Variants in ADCY7 observed in about 807,000 individuals in gnomAD.
The protein encoded by ADCY7 is adenylate cyclase type 7.
Under a neutral mutation model 120.6 loss-of-function variants are expected in ADCY7, and 72 were observed. That is an observed-to-expected ratio of 0.60 (90% CI 0.49 to 0.73). ADCY7 has a LOEUF of 0.73. Among genes scored for constraint, ADCY7 ranks in the 30% least tolerant of loss-of-function variants. The pLI is 0.00. For missense variants in ADCY7, 1,227 were observed against 1,486.0 expected (o/e 0.83, Z 2.87); for synonymous variants, 661 against 628.0 (o/e 1.05, Z -0.78).
At chr16:50,267,298 C>T (rs916727207) in intron 1 of ADCY7, among the ~76,000 whole-genome samples, 4 of 152,226 alleles carry the variant, frequency 2.6e-5, no homozygotes, top group African/African-American at 9.6e-5. Context: ...ATGCATTCAT[C>T]TAAACATGTA....
rs138935368 is a variant in ADCY7, at chr16:50,269,787, G to A, written c.-269+3107G>A. On this transcript the variant is annotated intron_variant, in intron 1 of 25. Coordinates refer to ENST00000673801, the MANE Select transcript of ADCY7 (RefSeq NM_001114.5). Reference sequence around the variant, plus strand: ...GCAGCGCTTAACTCCGCTGGAGAAAGTTCCAGGCCTTTGAGGGAGCATGCA... The same window carrying A: ...GCAGCGCTTAACTCCGCTGGAGAAAATTCCAGGCCTTTGAGGGAGCATGCA... Among the ~76,000 whole-genome samples, 343 of 152,326 alleles carry A rather than the reference G, an allele frequency of 2.3e-3. 3 individuals carry two copies. Among genetic ancestry groups the A allele is most frequent in the African/African-American group, 7.6e-3 (318 of 41,572 alleles).
chr16:50,314,241 G>A (rs1364736591), intron 23 of ADCY7, 51 bp from the exon 24 acceptor site: 2 of 1,556,548 alleles, frequency 1.3e-6, no homozygotes, highest in Admixed American at 1.7e-5. Flanking sequence ...GGGCCCACTA[G>A]GTCTGGGGGC....
chr16:50,257,748 T>G (rs2032955240), intron 1 of ADCY7, among the ~76,000 whole-genome samples: 1 of 150,382 alleles, frequency 6.6e-6, no homozygotes, highest in South Asian at 2.1e-4. Flanking sequence ...TAGATTTATC[T>G]TTTTTTTTCT....
chr16:50,266,171 G>A (rs558245770), upstream of ADCY7, among the ~76,000 whole-genome samples: 273 of 152,298 alleles, frequency 1.8e-3, 1 homozygote, highest in African/African-American at 5.9e-3. Flanking sequence ...CCAGGAAGGC[G>A]CGGGGGGCCT....
intron 1 of ADCY7, among the ~76,000 whole-genome samples, chr16:50,276,676 G>A (rs370950738): frequency 6.6e-6 from 1 of 152,166 alleles, no homozygotes; most frequent in African/African-American, 2.4e-5. Flanking sequence ...ACTTGCTGCA[G>A]CCTTAACCTG....
In ADCY7 at chr16:50,299,953, C is replaced by T. The variant is rs140001144; in HGVS notation, c.1077-762C>T. Among the ~76,000 whole-genome samples the T allele has an allele frequency of 9.7e-4, 148 of 152,316 alleles. 1 individual carries two copies. The East Asian group carries it at 0.013, about 13-fold the overall frequency. On this transcript the variant is annotated intron_variant, in intron 8 of 25. Coordinates refer to ENST00000673801, the MANE Select transcript of ADCY7 (RefSeq NM_001114.5). ...CTCCTGTGCTCAGTGGTGCTAACAA[C>T]TCCCAGGGCCCCTGCTTCCCAGGGA...
chr16:50,269,268 C>A (rs905692286), intron 1 of ADCY7, among the ~76,000 whole-genome samples: 1 of 152,206 alleles, frequency 6.6e-6, no homozygotes, highest in Admixed American at 6.5e-5. Context: ...CCAGTTGTGC[C>A]CACCACAGTG....
chr16:50,315,698 T>TA lies in ADCY7; in HGVS notation c.*195dup. On this transcript the variant is annotated 3_prime_UTR_variant, in exon 26 of 26. Coordinates refer to ENST00000673801, the MANE Select transcript of ADCY7 (RefSeq NM_001114.5). The stretch of plus-strand genomic sequence containing the variant: ...CTGGCTCGAAGCAGCCACTGAGCCA[T>TA]AATGCGCAGGGGAGGCCAGAAGCTC... 1.5e-6 allele frequency: 1 copy of TA among 660,036 alleles called. No individual in the cohort carries two copies. The highest frequency in any genetic ancestry group is 2.5e-6 in the Non-Finnish European group (1 of 402,072). 40.9% of individuals were successfully genotyped at this position (660,036 alleles called of 1,614,324 possible). A position where few individuals can be genotyped will look rare whatever the true frequency, so the allele number is the denominator to read the frequency against.
chr16:50,314,091 C>A (rs1323178685), intron 23 of ADCY7, 29 bp downstream of exon 23: 1 of 1,598,724 alleles, frequency 6.3e-7, no homozygotes, highest in Non-Finnish European at 8.6e-7. Context: ...TGAAATTCAG[C>A]TGACTGTCCT....
At chr16:50,253,975 G>GTC (rs999799163) in intron 1 of ADCY7, among the ~76,000 whole-genome samples, 3 of 152,098 alleles carry the variant, frequency 2.0e-5, no homozygotes, top group Admixed American at 6.5e-5. Flanking sequence ...GTCTGTCTCT[G>GTC]TCTCTCTCTG....
chr16:50,281,969 G>A (rs1332713852), intron 1 of ADCY7, among the ~76,000 whole-genome samples: 1 of 152,218 alleles, frequency 6.6e-6, no homozygotes, highest in African/African-American at 2.4e-5. Context: ...GGCGCGAGAC[G>A]GAGCATGCAG....
intron 1 of ADCY7, among the ~76,000 whole-genome samples, chr16:50,255,061 G>A (rs1282671897): frequency 6.7e-6 from 1 of 150,344 alleles, no homozygotes; most frequent in Non-Finnish European, 1.5e-5. Context: ...TGAGGTGGGA[G>A]GATTGCTTGA....
At chr16:50,255,779 A>T (rs574594146) in intron 1 of ADCY7, among the ~76,000 whole-genome samples, 13 of 152,358 alleles carry the variant, frequency 8.5e-5, no homozygotes, top group African/African-American at 2.9e-4. Flanking sequence ...GGCATGGGCC[A>T]CTGTGCCTGC....
In ADCY7 at chr16:50,315,603, T is replaced by G. The variant is rs201343536; in HGVS notation, c.*98T>G. 1 of 1,450,580 alleles carries G rather than the reference T, an allele frequency of 6.9e-7. No homozygotes were observed. The highest frequency in any genetic ancestry group is 1.4e-5 in the African/African-American group (1 of 71,258). 89.9% of individuals were successfully genotyped at this position (1,450,580 alleles called of 1,614,324 possible). A position where few individuals can be genotyped will look rare whatever the true frequency, so the allele number is the denominator to read the frequency against. ...CCGCCCCACGCCAATCCCAAAGGCA[T>G]GCAGATGGCTGTGCATGTTGGCTTC... is the stretch of plus-strand genomic sequence containing the variant. On this transcript the variant is annotated 3_prime_UTR_variant, in exon 26 of 26. Transcript: ENST00000673801.
Position 50,308,693 on chromosome 16 carries a change from C to T in ADCY7, c.1962C>T (p.Leu654=). 1 of 1,613,636 alleles carries T rather than the reference C, an allele frequency of 6.2e-7. No individual in the cohort carries two copies. Among genetic ancestry groups the T allele is most frequent in the Non-Finnish European group, 8.5e-7 (1 of 1,179,946 alleles). The change falls in exon 17 of 26, where the codon CTC becomes CTT. Residue 654 remains leucine, a synonymous_variant. Transcript: ENST00000673801. ...FSRCCPARGT[L]CTISERVETQ... ...GGTGCTGCCCAGCTCGGGGGACGCTCTGCACTATCTCTGAGAGGGTGGAGA... is the reference window on the plus strand; with the variant it reads ...GGTGCTGCCCAGCTCGGGGGACGCTTTGCACTATCTCTGAGAGGGTGGAGA...
intron 1 of ADCY7, among the ~76,000 whole-genome samples, chr16:50,254,057 T>C (rs1225541514): frequency 1.3e-5 from 2 of 152,252 alleles, no homozygotes; most frequent in South Asian, 2.1e-4. Context: ...TCGGGGGAGT[T>C]ACCTTCCCTC....
At chr16:50,277,911 C>A (rs920112161) in intron 1 of ADCY7, among the ~76,000 whole-genome samples, 1 of 151,928 alleles carries the variant, frequency 6.6e-6, no homozygotes, top group Non-Finnish European at 1.5e-5. Flanking sequence ...ACCTCATGAT[C>A]CGCCCACCTC....
chr16:50,288,402 G>A, intron 2 of ADCY7, 52 bp downstream of exon 2: 1 of 1,465,768 alleles, frequency 6.8e-7, no homozygotes, highest in Non-Finnish European at 9.1e-7. Context: ...CCTTGGCCAA[G>A]CTGCTATCTT....
chr16:50,251,957 G>A (rs2032770689), intron 1 of ADCY7, among the ~76,000 whole-genome samples: 1 of 152,210 alleles, frequency 6.6e-6, no homozygotes, highest in African/African-American at 2.4e-5. Flanking sequence ...GGGGCTTCAG[G>A]CGAGGAGGAA....
Sources: gnomAD v4.1 joint callset for allele counts (sites outside exome capture counted in the v4.1 genomes callset) on GRCh38, gnomAD v4.1.1 for gene constraint, MANE v1.5 for transcripts, NCBI Gene and HGNC (gene_info 2026-07-23, HGNC 2026-07-21) for gene names.